The following UNC80 variants were observed in gnomAD, a reference collection of about 807,000 sequenced individuals.
UNC80 encodes the protein protein unc-80 homolog.
UNC80 carries 164 observed loss-of-function variants against 384.6 expected under a neutral mutation model. The observed-to-expected ratio is 0.43, with a 90% CI of 0.38 to 0.49. The LOEUF (loss-of-function observed/expected upper bound fraction) is 0.49. Ranked by LOEUF, UNC80 falls within the 20% of genes least tolerant of loss-of-function variation. UNC80 has a pLI of 0.00. For synonymous variants in UNC80, 1,486 were observed against 1,527.8 expected (o/e 0.97, Z 0.64); for missense variants, 3,330 against 4,143.0 (o/e 0.80, Z 5.39).
At chr2:209,809,505 G>A (rs533346704) in intron 7 of UNC80, 24 of 1,186,264 alleles carry the variant, frequency 2.0e-5, no homozygotes, top group Non-Finnish European at 2.9e-5. Context: ...AGTGCCAGGC[G>A]TGCGCTCGAA....
intron 48 of UNC80, among the ~76,000 whole-genome samples, chr2:209,956,061 C>T (rs932017621): frequency 9.9e-5 from 15 of 151,960 alleles, no homozygotes; most frequent in Admixed American, 4.6e-4. Flanking sequence ...CCTCATATTA[C>T]GTAATGTTAA....
chr2:209,786,963 T>C (rs2077465812), intron 5 of UNC80, among the ~76,000 whole-genome samples: 2 of 141,782 alleles, frequency 1.4e-5, no homozygotes, highest in Admixed American at 7.2e-5. Context: ...ATAAATTATG[T>C]GGAAAATCTA....
At chr2:209,866,527 C>G (rs13382809) in intron 22 of UNC80, among the ~76,000 whole-genome samples, 89 of 90,944 alleles carry the variant, frequency 9.8e-4, no homozygotes, top group Admixed American at 2.3e-3. Flanking sequence ...CACACACACA[C>G]ACACACAGAG....
At chr2:209,933,705 A>C (rs1485552976) in intron 38 of UNC80, 117 bp from the exon 39 acceptor site, 1 of 877,076 alleles carries the variant, frequency 1.1e-6, no homozygotes, top group Non-Finnish European at 1.7e-6. Context: ...AAGCATCTGA[A>C]CAGAGAATAT....
intron 51 of UNC80, among the ~76,000 whole-genome samples, chr2:209,960,286 T>C (rs569439390): frequency 6.6e-6 from 1 of 152,344 alleles, no homozygotes; most frequent in South Asian, 2.1e-4. Context: ...GTCATTTACA[T>C]GTTTTACTCT....
At chr2:209,979,654 T>C (rs1425478413) in intron 59 of UNC80, among the ~76,000 whole-genome samples, 2 of 152,196 alleles carry the variant, frequency 1.3e-5, no homozygotes, top group Non-Finnish European at 2.9e-5. Context: ...TTATAAAAAG[T>C]AAAATTAGGG....
chr2:209,807,583 TCGATCTCCTGA>T (rs746248627), intron 7 of UNC80, among the ~76,000 whole-genome samples: 105 of 152,238 alleles, frequency 6.9e-4, no homozygotes, highest in South Asian at 1.0e-3. Flanking sequence ...CAGGATGGTC[TCGATCTCCTGA>T]CCTCGTGATC....
intron 22 of UNC80, among the ~76,000 whole-genome samples, chr2:209,866,195 A>AT (rs1244133783): frequency 3.3e-5 from 5 of 152,110 alleles, no homozygotes; most frequent in African/African-American, 1.2e-4. Flanking sequence ...TCCTTCTGTA[A>AT]ATTGAAAATA....
At chr2:209,866,854 G>T (rs2124873509) in intron 22 of UNC80, among the ~76,000 whole-genome samples, 1 of 152,126 alleles carries the variant, frequency 6.6e-6, no homozygotes, top group African/African-American at 2.4e-5. Context: ...ACTTCATTCT[G>T]TACTTTATTT....
intron 21 of UNC80, among the ~76,000 whole-genome samples, chr2:209,843,975 A>G (rs142377104): frequency 2.6e-5 from 4 of 152,316 alleles, no homozygotes; most frequent in African/African-American, 9.6e-5. Flanking sequence ...TTCTCTTTTG[A>G]AAATGTTCCT....
chr2:209,892,652 AT>A (rs1468814621), intron 26 of UNC80, among the ~76,000 whole-genome samples: 1 of 152,200 alleles, frequency 6.6e-6, no homozygotes, highest in Non-Finnish European at 1.5e-5. Flanking sequence ...CTCTGTAAAA[AT>A]CTAAGAATTA....
At chr2:209,774,230 T>G (rs1191572198) in intron 2 of UNC80, among the ~76,000 whole-genome samples, 2 of 152,248 alleles carry the variant, frequency 1.3e-5, no homozygotes, top group African/African-American at 2.4e-5. Flanking sequence ...TTGCATCTCC[T>G]ATCTTTCAAT....
At chr2:209,791,784 C>T (rs2077817128) in intron 6 of UNC80, among the ~76,000 whole-genome samples, 1 of 122,816 alleles carries the variant, frequency 8.1e-6, no homozygotes, top group South Asian at 2.8e-4. Flanking sequence ...CGTGCCACTG[C>T]ACTCCAGCCT....
intron 25 of UNC80, among the ~76,000 whole-genome samples, chr2:209,886,489 C>T (rs1272130994): frequency 1.3e-5 from 2 of 152,064 alleles, no homozygotes; most frequent in African/African-American, 4.8e-5. Flanking sequence ...AATCTCTATT[C>T]ACAGGACAAG....
At chr2:209,972,124 C>T (rs1170033913) in intron 54 of UNC80, 77 bp from the exon 55 acceptor site, 2 of 1,506,342 alleles carry the variant, frequency 1.3e-6, no homozygotes, top group African/African-American at 2.8e-5. Context: ...TCACCGTCTC[C>T]ATCATACTGT....
chr2:209,859,323 G>C (rs1345826225), intron 22 of UNC80, among the ~76,000 whole-genome samples: 3 of 152,174 alleles, frequency 2.0e-5, no homozygotes, highest in African/African-American at 7.2e-5. Flanking sequence ...TGCTGAGGAT[G>C]ATGGCTGCCA....
At position 209,997,286 on chromosome 2, in the gene UNC80, G is replaced by A. The variant is rs1350251596; in HGVS notation, c.*1691G>A. 6.6e-6 allele frequency: 1 copy of A among 152,120 alleles called. No homozygotes were observed. The highest frequency in any genetic ancestry group is 1.5e-5 in the Non-Finnish European group (1 of 68,004). 9.4% of individuals were successfully genotyped at this position (152,120 alleles called of 1,614,324 possible). ...CTTTTATGTTTTACAATATTATCAT[G>A]TTATTTACAGTTAATGCTGAAATAA... On this transcript the variant is annotated 3_prime_UTR_variant, in exon 65 of 65. Coordinates refer to ENST00000673920, the MANE Select transcript of UNC80 (RefSeq NM_001371986.1).
chr2:209,931,379 AC>A (rs2090857974), intron 38 of UNC80, among the ~76,000 whole-genome samples: 1 of 149,968 alleles, frequency 6.7e-6, no homozygotes, highest in East Asian at 2.0e-4. Context: ...ACACACACAC[AC>A]ACACACACAC....
At chr2:209,876,540 A>G (rs997368450) in intron 23 of UNC80, among the ~76,000 whole-genome samples, 2 of 152,122 alleles carry the variant, frequency 1.3e-5, no homozygotes, top group African/African-American at 2.4e-5. Flanking sequence ...TAAACTGTGG[A>G]CTTAATTTAA....
Sources: gnomAD v4.1 joint callset for allele counts (sites outside exome capture counted in the v4.1 genomes callset) on GRCh38, gnomAD v4.1.1 for gene constraint, MANE v1.5 for transcripts, NCBI Gene and HGNC (gene_info 2026-07-23, HGNC 2026-07-21) for gene names.